Variants in WDFY4 observed in about 807,000 individuals in gnomAD.
The protein encoded by WDFY4 is WDFY family member 4, also known as WD repeat- and FYVE domain-containing protein 4.
A neutral mutation model predicts 351.9 loss-of-function variants in WDFY4; 169 were observed. The observed-to-expected ratio is 0.48, with a 90% CI of 0.42 to 0.55. The LOEUF is 0.55. Among genes scored for constraint, WDFY4 ranks in the 20% least tolerant of loss-of-function variants. The probability of loss-of-function intolerance (pLI) is 0.00; values close to 1 mark genes in which losing one functional copy is unlikely to be tolerated. For synonymous variants in WDFY4, 1,622 were observed against 1,574.6 expected (o/e 1.03, Z -0.71); for missense variants, 3,803 against 3,935.6 (o/e 0.97, Z 0.90).
chr10:48,874,174 A>G (rs957391609), intron 41 of WDFY4, among the ~76,000 whole-genome samples: 2 of 152,206 alleles, frequency 1.3e-5, no homozygotes, highest in Non-Finnish European at 2.9e-5. Context: ...TGTTTCTGCA[A>G]TTTTGAGCCA....
At position 48,877,199 on chromosome 10, in the gene WDFY4, G is replaced by T. The variant is rs1333148385; in HGVS notation, c.7167G>T (p.Lys2389Asn). ...TACAAGAGCTTCTTGATAAAGAAAA[G>T]GTAATATACCCCATTGCAATAGCCT... ...VILQELLDKE[K>N]VTQKFSLVIV... is the part of the protein sequence containing the mutation. Residue 2389 changes from lysine to asparagine, a missense_variant and splice_region_variant, in exon 43 of 62, where the codon AAG becomes AAT. Coordinates refer to ENST00000325239, the MANE Select transcript of WDFY4 (RefSeq NM_001394531.1). The T allele has an allele frequency of 1.3e-6, 2 of 1,551,104 alleles. No individual in the cohort carries two copies. Among genetic ancestry groups the T allele is most frequent in the Non-Finnish European group, 1.7e-6 (2 of 1,146,780 alleles).
At chr10:48,709,598 C>A in intron 1 of WDFY4, 118 bp from the exon 2 acceptor site, 2 of 853,006 alleles carry the variant, frequency 2.3e-6, no homozygotes, top group South Asian at 1.8e-5. Context: ...GTTTCAGATT[C>A]TTAGGGGAAC....
rs1029509474 is a variant in WDFY4 at position 48,970,353 on chromosome 10, C to T, written c.8928+64C>T. 2.6e-6 allele frequency: 4 copies of T among 1,518,278 alleles called. No individual in the cohort carries two copies. The African/African-American group carries it at 5.5e-5, about 21-fold the overall frequency. The allele number at this position is 1,518,278 out of a possible 1,614,324, so 94.1% of individuals were successfully genotyped here. A position where few individuals can be genotyped will look rare whatever the true frequency, so the allele number is the denominator to read the frequency against. On this transcript the variant is annotated intron_variant, in intron 57 of 61. Coordinates refer to ENST00000325239, the MANE Select transcript of WDFY4 (RefSeq NM_001394531.1). ...GACAGTACTTCATGTAGGGACAAAA[C>T]CTCTGCCTGGCATGGCACCTGGGCA...
At chr10:48,918,726 C>G (rs942150906) in intron 47 of WDFY4, among the ~76,000 whole-genome samples, 2 of 149,606 alleles carry the variant, frequency 1.3e-5, no homozygotes, top group African/African-American at 5.0e-5. Context: ...CATTTTAGAC[C>G]AGGTAATTAT....
intron 35 of WDFY4, 121 bp from the exon 36 acceptor site, chr10:48,826,550 A>C (rs994689531): frequency 7.0e-5 from 48 of 687,844 alleles, no homozygotes; most frequent in Non-Finnish European, 1.1e-4. Context: ...TCTATAAATT[A>C]CTTTGGGCGG....
chr10:48,715,311 T>C (rs1166805307), intron 2 of WDFY4, among the ~76,000 whole-genome samples: 1 of 152,256 alleles, frequency 6.6e-6, no homozygotes, highest in African/African-American at 2.4e-5. Flanking sequence ...TTTAAGCCAC[T>C]GAATTTAGGG....
chr10:48,789,987 T>C lies in WDFY4; in HGVS notation c.4066+2T>C, dbSNP rs1415558366. The C allele has an allele frequency of 1.3e-6, 2 of 1,551,936 alleles. No homozygotes were observed. The highest frequency in any genetic ancestry group is 1.7e-6 in the Non-Finnish European group (2 of 1,146,954). On this transcript the variant is annotated splice_donor_variant, in intron 22 of 61. Transcript: ENST00000325239. LOFTEE classifies it high-confidence loss of function. ...GAGCTGTTGCTGTGGGTCAATTAGG[T>C]ATGTTCAACTGGGAAGCTTTGCCGC...
chr10:48,845,831 C>CT (rs2068758027), intron 39 of WDFY4, among the ~76,000 whole-genome samples: 1 of 149,170 alleles, frequency 6.7e-6, no homozygotes, highest in South Asian at 2.1e-4. Context: ...TATACAGTCT[C>CT]TAAAGACTCA....
chr10:48,705,098 TGA>T (rs1565110904), intron 1 of WDFY4, among the ~76,000 whole-genome samples: 1 of 152,140 alleles, frequency 6.6e-6, no homozygotes, highest in African/African-American at 2.4e-5. Context: ...CAAACATGTC[TGA>T]GAGTAGAATC....
chr10:48,901,705 T>G, intron 46 of WDFY4, 96 bp from the exon 47 acceptor site: 3 of 1,352,362 alleles, frequency 2.2e-6, no homozygotes, highest in Non-Finnish European at 1.0e-6. Flanking sequence ...GGAGCAATAA[T>G]GAGCCTAGCT....
chr10:48,966,487 A>G, intron 54 of WDFY4, 39 bp from the exon 55 acceptor site: 1 of 1,524,542 alleles, frequency 6.6e-7, no homozygotes, highest in Non-Finnish European at 8.9e-7. Flanking sequence ...TCCTCTGGGC[A>G]TCTCTCCCCT....
At chr10:48,921,743 AT>A (rs563476876) in intron 47 of WDFY4, among the ~76,000 whole-genome samples, 47 of 152,062 alleles carry the variant, frequency 3.1e-4, no homozygotes, top group African/African-American at 5.8e-4. Context: ...AAACAATACA[AT>A]TTTTTTTAAT....
chr10:48,722,690 T>TGCATCATGCACACAC (rs1286397689), intron 4 of WDFY4, among the ~76,000 whole-genome samples: 6 of 152,164 alleles, frequency 3.9e-5, no homozygotes, highest in Non-Finnish European at 7.4e-5. Flanking sequence ...CATGCACACA[T>TGCATCATGCACACAC]GCATCATGCA....
intron 11 of WDFY4, 57 bp downstream of exon 11, chr10:48,736,127 C>T (rs1346342034): frequency 1.3e-6 from 2 of 1,540,518 alleles, no homozygotes; most frequent in African/African-American, 1.4e-5. Context: ...CCAAGCGATC[C>T]ACATTTGCTC....
intron 1 of WDFY4, among the ~76,000 whole-genome samples, chr10:48,707,458 C>T (rs1200904858): frequency 1.3e-5 from 2 of 152,170 alleles, no homozygotes; most frequent in Non-Finnish European, 2.9e-5. Context: ...AGTGAAGGGA[C>T]CCACGCAGCA....
At chr10:48,806,909 C>T (rs1005247952) in intron 27 of WDFY4, among the ~76,000 whole-genome samples, 10 of 152,208 alleles carry the variant, frequency 6.6e-5, no homozygotes, top group African/African-American at 2.2e-4. Context: ...AGCGGCTACT[C>T]TATTGGACAA....
intron 39 of WDFY4, among the ~76,000 whole-genome samples, chr10:48,858,428 T>C (rs1313203786): frequency 1.3e-5 from 2 of 152,344 alleles, no homozygotes; most frequent in East Asian, 3.9e-4. Flanking sequence ...TTTTGGGCAA[T>C]GGACATCCAA....
In WDFY4 at chr10:48,901,866, A is replaced by T; in HGVS notation, c.7586+3A>T. The T allele has an allele frequency of 6.4e-7, 1 of 1,551,362 alleles. No individual in the cohort carries two copies. The highest frequency in any genetic ancestry group is 1.4e-5 in the African/African-American group (1 of 73,166). On this transcript the variant is annotated splice_donor_region_variant and intron_variant, in intron 47 of 61. Transcript: ENST00000325239. Reference sequence around the variant, plus strand: ...TCGGAGGACACCCTCAGTCTAAGGTAATGGCGGGTAGCCATGCTGTCTGGG... The same window carrying T: ...TCGGAGGACACCCTCAGTCTAAGGTTATGGCGGGTAGCCATGCTGTCTGGG...
At chr10:48,944,688 C>CTAA (rs2133773095) in intron 49 of WDFY4, among the ~76,000 whole-genome samples, 1 of 152,330 alleles carries the variant, frequency 6.6e-6, no homozygotes, top group East Asian at 1.9e-4. Context: ...GCTTATTGCA[C>CTAA]TAATGGTCCA....
Sources: allele counts gnomAD v4.1 joint callset (sites outside exome capture counted in the v4.1 genomes callset), GRCh38; gene constraint gnomAD v4.1.1; transcripts MANE v1.5; gene names NCBI Gene and HGNC (gene_info 2026-07-23, HGNC 2026-07-21).